Variants in TRAK2 observed in about 807,000 individuals in gnomAD.
TRAK2 encodes the protein trafficking kinesin protein 2.
A neutral mutation model predicts 104.6 loss-of-function variants in TRAK2; 81 were observed. That is an observed-to-expected ratio of 0.77 (90% CI 0.65 to 0.93). TRAK2 has a LOEUF of 0.93. Among genes scored for constraint, TRAK2 ranks in the 40% least tolerant of loss-of-function variants. The pLI is 0.00. For synonymous variants in TRAK2, 406 were observed against 394.4 expected (o/e 1.03, Z -0.35); for missense variants, 1,002 against 1,089.0 (o/e 0.92, Z 1.12).
At chr2:201,391,289 T>A (rs1265249212) in intron 10 of TRAK2, among the ~76,000 whole-genome samples, 2 of 152,078 alleles carry the variant, frequency 1.3e-5, no homozygotes, top group Non-Finnish European at 2.9e-5. Flanking sequence ...ATCTATTGAA[T>A]AAAATAGAAA....
At chr2:201,422,185 C>T (rs73049549) in intron 1 of TRAK2, among the ~76,000 whole-genome samples, 1,883 of 151,684 alleles carry the variant, frequency 0.012, 56 homozygotes, top group African/African-American at 0.043. Flanking sequence ...AATGGATATA[C>T]TCACGAAGTG....
At chr2:201,413,811 A>C (rs1951669144) in intron 2 of TRAK2, among the ~76,000 whole-genome samples, 1 of 152,166 alleles carries the variant, frequency 6.6e-6, no homozygotes, top group South Asian at 2.1e-4. Flanking sequence ...CCTAGAAAGC[A>C]AGTTCCTACA....
At chr2:201,435,187 G>A (rs527460343) in intron 1 of TRAK2, among the ~76,000 whole-genome samples, 3 of 152,218 alleles carry the variant, frequency 2.0e-5, no homozygotes, top group African/African-American at 7.2e-5. Flanking sequence ...CTCCCAAGTA[G>A]CCTGGACTAC....
intron 2 of TRAK2, chr2:201,412,003 G>A: frequency 1.0e-6 from 1 of 983,916 alleles, no homozygotes; most frequent in Non-Finnish European, 1.7e-6. Context: ...CATTGGGAGG[G>A]GTTTTGGTTA....
chr2:201,437,147 A>G (rs993408078), intron 1 of TRAK2, among the ~76,000 whole-genome samples: 50 of 152,198 alleles, frequency 3.3e-4, no homozygotes, highest in Non-Finnish European at 6.5e-4. Flanking sequence ...ACTTCAGGGC[A>G]AATAAGAACA....
At chr2:201,435,045 C>T (rs1409608422) in intron 1 of TRAK2, among the ~76,000 whole-genome samples, 2 of 152,088 alleles carry the variant, frequency 1.3e-5, no homozygotes, top group African/African-American at 2.4e-5. Flanking sequence ...ATTCATAAGG[C>T]ATTCTTGATT....
chr2:201,395,558 G>T, intron 7 of TRAK2, 114 bp from the exon 8 acceptor site: 2 of 1,078,390 alleles, frequency 1.9e-6, no homozygotes, highest in Non-Finnish European at 2.4e-6. Flanking sequence ...GTCGTGAATA[G>T]ATTTTTCTTA....
At chr2:201,425,513 T>C (rs934807909) in intron 1 of TRAK2, among the ~76,000 whole-genome samples, 24 of 152,276 alleles carry the variant, frequency 1.6e-4, no homozygotes, top group Non-Finnish European at 2.6e-4. Context: ...GCGATTCTCC[T>C]ACCTCAGCCT....
chr2:201,387,797 G>A lies in TRAK2; in HGVS notation c.1602C>T (p.Leu534=). The change falls in exon 13 of 16, where the codon CTC becomes CTT. Residue 534 remains leucine (L), a synonymous_variant. Coordinates refer to ENST00000332624, the MANE Select transcript of TRAK2 (RefSeq NM_015049.3). ...CTGTGATCTCTGACTGGGTGGTGCA[G>A]AGAGAGGCAAGGCTCTCTGTCGGGG... ...CVTPTESLAS[L]CTTQSEITDL... The A allele has an allele frequency of 6.2e-7, 1 of 1,614,156 alleles. No individual in the cohort carries two copies. Among genetic ancestry groups the A allele is most frequent in the Non-Finnish European group, 8.5e-7 (1 of 1,179,992 alleles).
intron 3 of TRAK2, among the ~76,000 whole-genome samples, chr2:201,404,937 TGAGA>T (rs1362656321): frequency 6.6e-6 from 1 of 152,192 alleles, no homozygotes; most frequent in Non-Finnish European, 1.5e-5. Context: ...TCAAAATGAC[TGAGA>T]GAAACTGATG....
At chr2:201,429,532 C>T (rs770765602) in intron 1 of TRAK2, among the ~76,000 whole-genome samples, 452 of 152,318 alleles carry the variant, frequency 3.0e-3, no homozygotes, top group Non-Finnish European at 3.5e-3. Flanking sequence ...TTCACACAGT[C>T]CCATATGCCC....
chr2:201,444,425 T>C (rs1951949727), intron 1 of TRAK2, among the ~76,000 whole-genome samples: 1 of 151,232 alleles, frequency 6.6e-6, no homozygotes, highest in South Asian at 2.1e-4. Flanking sequence ...TAATTCTTCA[T>C]CACTCTCTTA....
In TRAK2 at chr2:201,380,337, T is replaced by C. The variant is rs972733467; in HGVS notation, c.*206A>G. 3.3e-6 allele frequency: 2 copies of C among 608,504 alleles called. No homozygotes were observed. The highest frequency in any genetic ancestry group is 5.8e-6 in the Non-Finnish European group (2 of 345,370). The allele number at this position is 608,504 out of a possible 1,614,324, so 37.7% of individuals were successfully genotyped here. ...TTTCTTTTCTCCCTCTGAACACTCA[T>C]GGCCCATTCATTTATACTTTCAATT... is the stretch of plus-strand genomic sequence containing the variant. On this transcript the variant is annotated 3_prime_UTR_variant, in exon 16 of 16. Coordinates refer to ENST00000332624, the MANE Select transcript of TRAK2 (RefSeq NM_015049.3).
intron 9 of TRAK2, 63 bp from the exon 10 acceptor site, chr2:201,393,109 C>T (rs1486677514): frequency 6.6e-7 from 1 of 1,511,762 alleles, no homozygotes; most frequent in Non-Finnish European, 8.9e-7. Context: ...GAAAAAAAAC[C>T]CGAAACCTTT....
chr2:201,413,102 A>G (rs1951662277), intron 2 of TRAK2: 1 of 1,008,846 alleles, frequency 9.9e-7, no homozygotes, highest in Non-Finnish European at 1.5e-6. Flanking sequence ...ATATTTGTCA[A>G]TCATTTTTTA....
chr2:201,393,107 A>C lies in TRAK2; in HGVS notation c.976-61T>G, dbSNP rs989914862. 3.9e-5 allele frequency: 59 copies of C among 1,515,712 alleles called. 1 individual carries two copies. The highest frequency in any genetic ancestry group is 3.7e-4 in the South Asian group (28 of 75,624). 93.9% of individuals were successfully genotyped at this position (1,515,712 alleles called of 1,614,324 possible). A position where few individuals can be genotyped will look rare whatever the true frequency, so the allele number is the denominator to read the frequency against. On this transcript the variant is annotated intron_variant, in intron 9 of 15. Coordinates refer to ENST00000332624, the MANE Select transcript of TRAK2 (RefSeq NM_015049.3). ...CCCAAAACAACATTAGGGAAAAAAA[A>C]CCCGAAACCTTTTGGGATAAGTATT...
At position 201,380,442 on chromosome 2, in the gene TRAK2, G is replaced by C; in HGVS notation, c.*101C>G. 1 of 1,212,292 alleles carries C rather than the reference G, an allele frequency of 8.2e-7. No individual in the cohort carries two copies. 75.1% of individuals were successfully genotyped at this position (1,212,292 alleles called of 1,614,324 possible). Reference sequence around the variant, plus strand: ...CCCCTTTCACATTCACAACCCTTGTGCAACATTCCTTTTCTCTCAAGTCAG... The same window carrying C: ...CCCCTTTCACATTCACAACCCTTGTCCAACATTCCTTTTCTCTCAAGTCAG... On this transcript the variant is annotated 3_prime_UTR_variant, in exon 16 of 16. Coordinates refer to ENST00000332624, the MANE Select transcript of TRAK2 (RefSeq NM_015049.3).
chr2:201,412,602 G>T, intron 2 of TRAK2: 2 of 1,503,110 alleles, frequency 1.3e-6, no homozygotes, highest in Non-Finnish European at 1.8e-6. Flanking sequence ...CATAAAGTAT[G>T]TATTCAGGAG....
At position 201,379,618 on chromosome 2, in the gene TRAK2, C is replaced by T. The variant is rs1951319666; in HGVS notation, c.*925G>A. 6.6e-6 allele frequency: 1 copy of T among 152,552 alleles called. No homozygotes were observed. The highest frequency in any genetic ancestry group is 1.5e-5 in the Non-Finnish European group (1 of 68,024). The allele number at this position is 152,552 out of a possible 1,614,324, so 9.4% of individuals were successfully genotyped here. A position where few individuals can be genotyped will look rare whatever the true frequency, so the allele number is the denominator to read the frequency against. ...TTTACATATATAAATATACAACATT[C>T]CCTAATTCCTATTGATTGCACTTCT... On this transcript the variant is annotated 3_prime_UTR_variant, in exon 16 of 16. Coordinates refer to ENST00000332624, the MANE Select transcript of TRAK2 (RefSeq NM_015049.3).
Sources: allele counts gnomAD v4.1 joint callset (sites outside exome capture counted in the v4.1 genomes callset), GRCh38; gene constraint gnomAD v4.1.1; transcripts MANE v1.5; gene names NCBI Gene and HGNC (gene_info 2026-07-23, HGNC 2026-07-21).